The following DGKI variants were observed in gnomAD, a reference collection of about 807,000 sequenced individuals.
DGKI encodes the protein DAG kinase iota.
Under a neutral mutation model 147.5 loss-of-function variants are expected in DGKI, and 55 were observed. The observed-to-expected ratio is 0.37, with a 90% CI of 0.30 to 0.47. The LOEUF (loss-of-function observed/expected upper bound fraction) is 0.47. Among genes scored for constraint, DGKI ranks in the 20% least tolerant of loss-of-function variants. DGKI has a pLI of 1.00. For missense variants in DGKI, 1,007 were observed against 1,323.8 expected, an observed-to-expected ratio of 0.76 and a Z score of 3.71; for synonymous variants, 469 against 477.1, an observed-to-expected ratio of 0.98 and a Z score of 0.22.
At chr7:137,703,453 G>A (rs1824053973) in intron 1 of DGKI, among the ~76,000 whole-genome samples, 1 of 152,130 alleles carries the variant, frequency 6.6e-6, no homozygotes, top group African/African-American at 2.4e-5. Context: ...GGCTAAAAGG[G>A]AGGCATTACA....
At chr7:137,800,439 TC>T (rs1250583709) in intron 1 of DGKI, among the ~76,000 whole-genome samples, 3 of 151,750 alleles carry the variant, frequency 2.0e-5, no homozygotes, top group African/African-American at 4.8e-5. Context: ...GTGTGCTACC[TC>T]CCCCCAACTC....
intron 10 of DGKI, among the ~76,000 whole-genome samples, chr7:137,608,596 G>C (rs936563547): frequency 6.6e-6 from 1 of 152,064 alleles, no homozygotes; most frequent in African/African-American, 2.4e-5. Flanking sequence ...AATTGCAATA[G>C]AAAGAAATAA....
intron 1 of DGKI, among the ~76,000 whole-genome samples, chr7:137,725,602 T>TTA (rs1554466800): frequency 2.7e-5 from 4 of 147,448 alleles, no homozygotes; most frequent in African/African-American, 9.9e-5. Context: ...TTGTTTTCTT[T>TTA]AAAAAAAAAA....
intron 21 of DGKI, among the ~76,000 whole-genome samples, chr7:137,520,404 A>G (rs1482751067): frequency 2.0e-5 from 3 of 152,064 alleles, no homozygotes; most frequent in Admixed American, 2.0e-4. Context: ...CCATCGCAAA[A>G]ATATATGTCT....
chr7:137,597,748 G>T, intron 12 of DGKI, 99 bp downstream of exon 12: 1 of 1,090,750 alleles, frequency 9.2e-7, no homozygotes, highest in Non-Finnish European at 1.4e-6. Flanking sequence ...ATGTGTTAGG[G>T]GATTAGAAAG....
intron 28 of DGKI, among the ~76,000 whole-genome samples, chr7:137,442,369 A>G (rs1451720290): frequency 6.6e-6 from 1 of 152,182 alleles, no homozygotes; most frequent in Non-Finnish European, 1.5e-5. Context: ...GTCCTAGTGG[A>G]TTATCAAATT....
At chr7:137,826,685 T>C (rs934536732) in intron 1 of DGKI, among the ~76,000 whole-genome samples, 3 of 152,156 alleles carry the variant, frequency 2.0e-5, no homozygotes, top group African/African-American at 2.4e-5. Flanking sequence ...ATTTTTGTTT[T>C]TTAAAGTCCA....
chr7:137,701,224 A>G (rs915161294), intron 1 of DGKI, among the ~76,000 whole-genome samples: 1 of 152,222 alleles, frequency 6.6e-6, no homozygotes, highest in Non-Finnish European at 1.5e-5. Flanking sequence ...TGAAAAATCT[A>G]TAAGTAACAT....
chr7:137,512,035 G>A lies in DGKI; in HGVS notation c.2248+9831C>T, dbSNP rs371509499. Among the ~76,000 whole-genome samples, 9 of 152,240 alleles carry A rather than the reference G, an allele frequency of 5.9e-5. No individual in the cohort carries two copies. The South Asian group carries it at 8.3e-4, about 14-fold the overall frequency. On this transcript the variant is annotated intron_variant, in intron 21 of 32. Transcript: ENST00000614521. ...TCTTGCCCTGCACAGCTGTGGTTCC[G>A]TCTTGGGAAATCCTCAATAAAACCC... is the stretch of plus-strand genomic sequence containing the variant.
At chr7:137,712,678 G>A (rs1794250770) in intron 1 of DGKI, among the ~76,000 whole-genome samples, 1 of 152,106 alleles carries the variant, frequency 6.6e-6, no homozygotes, top group Admixed American at 6.5e-5. Flanking sequence ...GAACCTGCAG[G>A]CACTCTTTGG....
chr7:137,422,422 G>A (rs942649008), intron 28 of DGKI, among the ~76,000 whole-genome samples: 2 of 151,794 alleles, frequency 1.3e-5, no homozygotes, highest in African/African-American at 4.8e-5. Flanking sequence ...TTTTTATATA[G>A]TACCACCATC....
chr7:137,519,040 TG>T (rs927887524), intron 21 of DGKI, among the ~76,000 whole-genome samples: 3 of 152,056 alleles, frequency 2.0e-5, no homozygotes, highest in Admixed American at 6.6e-5. Flanking sequence ...ATAAATCCTA[TG>T]GAGTGAGGAA....
At chr7:137,722,876 T>C (rs1004759620) in intron 1 of DGKI, 4 of 830,866 alleles carry the variant, frequency 4.8e-6, no homozygotes, top group African/African-American at 2.2e-5. Context: ...CTTAATTAAA[T>C]AGTTGACTAC....
chr7:137,586,122 T>C (rs1299344002), intron 13 of DGKI, among the ~76,000 whole-genome samples: 1 of 152,140 alleles, frequency 6.6e-6, no homozygotes, highest in Admixed American at 6.5e-5. Context: ...TGCTCTCATA[T>C]GAGCAGATAA....
At chr7:137,742,856 T>A (rs1261993419) in intron 1 of DGKI, among the ~76,000 whole-genome samples, 1 of 152,014 alleles carries the variant, frequency 6.6e-6, no homozygotes, top group African/African-American at 2.4e-5. Context: ...AAGATAAAAA[T>A]GGAAAAATCG....
In DGKI at chr7:137,389,865, T is replaced by C. The variant is rs1405772525; in HGVS notation, c.*1355A>G. 1.3e-5 allele frequency: 2 copies of C among 152,148 alleles called. No individual in the cohort carries two copies. The highest frequency in any genetic ancestry group is 2.9e-5 in the Non-Finnish European group (2 of 68,022). 9.4% of individuals were successfully genotyped at this position (152,148 alleles called of 1,614,324 possible). A position where few individuals can be genotyped will look rare whatever the true frequency, so the allele number is the denominator to read the frequency against. ...AAAATAAAGTAGATAAAATAATATA[T>C]TAGACTACCCCATACATAGAAAATG... On this transcript the variant is annotated 3_prime_UTR_variant, in exon 33 of 33. Transcript: ENST00000614521.
chr7:137,530,588 A>G (rs950079442), intron 20 of DGKI, among the ~76,000 whole-genome samples: 1 of 152,162 alleles, frequency 6.6e-6, no homozygotes, highest in African/African-American at 2.4e-5. Flanking sequence ...ATCTCCCACT[A>G]CATATGTTTA....
intron 14 of DGKI, among the ~76,000 whole-genome samples, chr7:137,584,072 T>A (rs1819300799): frequency 6.6e-6 from 1 of 152,158 alleles, no homozygotes; most frequent in Non-Finnish European, 1.5e-5. Context: ...TGGGTGTTGG[T>A]TTGATCTAAA....
chr7:137,388,795 C>T lies in DGKI; in HGVS notation c.*2425G>A, dbSNP rs1415951098. ...ATTGGTCTCCATGAATAACACAGGA[C>T]TCTAATGCCTTTTTTTTTTTTGGTT... is the stretch of plus-strand genomic sequence containing the variant. On this transcript the variant is annotated 3_prime_UTR_variant, in exon 33 of 33. Transcript: ENST00000614521. 6.6e-6 allele frequency: 1 copy of T among 151,008 alleles called. No individual in the cohort carries two copies. Among genetic ancestry groups the T allele is most frequent in the Non-Finnish European group, 1.5e-5 (1 of 67,840 alleles). The allele number at this position is 151,008 out of a possible 1,614,324, so 9.4% of individuals were successfully genotyped here.
Sources: gnomAD v4.1 joint callset for allele counts (sites outside exome capture counted in the v4.1 genomes callset) on GRCh38, gnomAD v4.1.1 for gene constraint, MANE v1.5 for transcripts, NCBI Gene and HGNC (gene_info 2026-07-23, HGNC 2026-07-21) for gene names.